Variants in RALYL observed in about 807,000 individuals in gnomAD.
RALYL encodes the protein RALY RNA binding protein like.
A neutral mutation model predicts 35.1 loss-of-function variants in RALYL; 29 were observed. The observed-to-expected ratio is 0.83, with a 90% CI of 0.61 to 1.13. The LOEUF (loss-of-function observed/expected upper bound fraction) is 1.13. Among genes scored for constraint, RALYL ranks in the 50% most tolerant of loss-of-function variants. The pLI, the probability that RALYL is intolerant of heterozygous loss-of-function variation, is 0.00. For missense variants in RALYL, 359 were observed against 360.4 expected (o/e 1.00, Z 0.03); for synonymous variants, 120 against 127.6 (o/e 0.94, Z 0.40).
At chr8:84,425,974 A>G (rs2046385270) in intron 1 of RALYL, among the ~76,000 whole-genome samples, 1 of 152,162 alleles carries the variant, frequency 6.6e-6, no homozygotes, top group African/African-American at 2.4e-5. Context: ...AAAATAGAGA[A>G]GAATTGAGGA....
At chr8:84,315,443 T>A (rs1843569951) in intron 1 of RALYL, among the ~76,000 whole-genome samples, 1 of 152,160 alleles carries the variant, frequency 6.6e-6, no homozygotes, top group Non-Finnish European at 1.5e-5. Context: ...TATGCAACAT[T>A]ATATATCTAC....
At chr8:84,758,655 TA>T (rs1396351813) in intron 2 of RALYL, among the ~76,000 whole-genome samples, 1 of 151,850 alleles carries the variant, frequency 6.6e-6, no homozygotes, top group Non-Finnish European at 1.5e-5. Flanking sequence ...CTCCCTCAGA[TA>T]GGGGGAGAAA....
At chr8:84,468,991 C>T (rs1225190048) in intron 1 of RALYL, among the ~76,000 whole-genome samples, 1 of 151,346 alleles carries the variant, frequency 6.6e-6, no homozygotes, top group Non-Finnish European at 1.5e-5. Context: ...GTTTTCAGCT[C>T]CATCAGCTCC....
intron 1 of RALYL, among the ~76,000 whole-genome samples, chr8:84,443,456 G>A (rs146086084): frequency 1.8e-4 from 28 of 152,206 alleles, no homozygotes; most frequent in African/African-American, 5.8e-4. Context: ...ATTTATCAGC[G>A]AGCATTAGAG....
chr8:84,801,791 A>C (rs1231259542), intron 3 of RALYL, among the ~76,000 whole-genome samples: 1 of 152,208 alleles, frequency 6.6e-6, no homozygotes, highest in East Asian at 1.9e-4. Flanking sequence ...ATGTTTGTGA[A>C]GATCTTAAAA....
intron 1 of RALYL, among the ~76,000 whole-genome samples, chr8:84,276,721 A>G (rs1368014727): frequency 2.0e-5 from 3 of 152,150 alleles, no homozygotes; most frequent in Non-Finnish European, 4.4e-5. Context: ...GTGCTAAATG[A>G]GGTTTGATAT....
intron 1 of RALYL, among the ~76,000 whole-genome samples, chr8:84,478,780 A>G (rs1416872990): frequency 6.6e-6 from 1 of 151,782 alleles, no homozygotes; most frequent in Non-Finnish European, 1.5e-5. Context: ...TCTTTAGTTT[A>G]TCTTGCCTTA....
chr8:84,430,889 C>T (rs1215049797), intron 1 of RALYL, among the ~76,000 whole-genome samples: 4 of 152,168 alleles, frequency 2.6e-5, no homozygotes, highest in East Asian at 3.9e-4. Flanking sequence ...GGAACAGTGC[C>T]TTCCATACCG....
intron 1 of RALYL, among the ~76,000 whole-genome samples, chr8:84,403,642 C>T (rs1487942248): frequency 7.3e-6 from 1 of 137,602 alleles, no homozygotes; most frequent in Non-Finnish European, 1.5e-5. Context: ...GTTCTTTTTG[C>T]TTAGGATCAT....
chr8:84,364,990 G>A (rs1192422153), intron 1 of RALYL, among the ~76,000 whole-genome samples: 1 of 151,932 alleles, frequency 6.6e-6, no homozygotes, highest in Non-Finnish European at 1.5e-5. Flanking sequence ...CATGCATTTT[G>A]TTGCATAAAT....
intron 2 of RALYL, among the ~76,000 whole-genome samples, chr8:84,740,189 G>A (rs1471540392): frequency 6.6e-6 from 1 of 151,916 alleles, no homozygotes. Flanking sequence ...CTTCGGGTGT[G>A]CATAACGTCC....
intron 2 of RALYL, among the ~76,000 whole-genome samples, chr8:84,770,308 T>C (rs1261639145): frequency 6.6e-6 from 1 of 151,592 alleles, no homozygotes; most frequent in African/African-American, 2.4e-5. Context: ...TGGTTTTCTA[T>C]TCCTGTGTTG....
At chr8:84,597,806 T>C (rs1814934463) in intron 2 of RALYL, among the ~76,000 whole-genome samples, 1 of 152,172 alleles carries the variant, frequency 6.6e-6, no homozygotes. Context: ...GTCCTGTCCA[T>C]GGGTGTTTTG....
chr8:84,364,143 A>T (rs952086163), intron 1 of RALYL, among the ~76,000 whole-genome samples: 3 of 152,184 alleles, frequency 2.0e-5, no homozygotes, highest in Non-Finnish European at 4.4e-5. Context: ...TGAGGATTAC[A>T]TCTGGAGCAT....
intron 1 of RALYL, among the ~76,000 whole-genome samples, chr8:84,342,213 A>T (rs936569623): frequency 1.4e-5 from 2 of 141,528 alleles, no homozygotes; most frequent in Non-Finnish European, 3.0e-5. Context: ...ATGTCAGTCA[A>T]GTTCACAGCA....
chr8:84,405,124 T>A (rs953166170), intron 1 of RALYL, among the ~76,000 whole-genome samples: 1 of 152,038 alleles, frequency 6.6e-6, no homozygotes, highest in Non-Finnish European at 1.5e-5. Context: ...ACTGGGTAAA[T>A]AATGAAATTA....
At position 84,887,704 on chromosome 8, in the gene RALYL, G is replaced by A; in HGVS notation, c.786G>A (p.Gly262=). 6.2e-7 allele frequency: 1 copy of A among 1,613,880 alleles called. No homozygotes were observed. Among genetic ancestry groups the A allele is most frequent in the Non-Finnish European group, 8.5e-7 (1 of 1,179,824 alleles). ...DHSTEEPAEG[G]PDADGEEMTD... ...CTACAGAGGAGCCTGCTGAAGGAGG[G>A]CCAGATGCCGATGGAGAAGAGATGA... The change falls in exon 8 of 9, where the codon GGG becomes GGA. Residue 262 remains glycine, a synonymous_variant. Transcript: ENST00000521268.
At chr8:84,358,260 A>C (rs1852256892) in intron 1 of RALYL, among the ~76,000 whole-genome samples, 1 of 152,048 alleles carries the variant, frequency 6.6e-6, no homozygotes, top group Admixed American at 6.6e-5. Flanking sequence ...CTCTTAAAAA[A>C]TTAATTTAAT....
chr8:84,887,828 G>C, intron 8 of RALYL, 52 bp downstream of exon 8: 1 of 1,445,900 alleles, frequency 6.9e-7, no homozygotes, highest in Non-Finnish European at 9.5e-7. Context: ...ACACTAGCAT[G>C]TTAGCAACTC....
Sources: gnomAD v4.1 joint callset for allele counts (sites outside exome capture counted in the v4.1 genomes callset) on GRCh38, gnomAD v4.1.1 for gene constraint, MANE v1.5 for transcripts, NCBI Gene and HGNC (gene_info 2026-07-23, HGNC 2026-07-21) for gene names.